The following KLHL3 variants were observed in gnomAD, a reference collection of about 807,000 sequenced individuals.
The protein encoded by KLHL3 is kelch-like protein 3.
KLHL3 carries 19 observed loss-of-function variants against 70.5 expected under a neutral mutation model. The observed-to-expected ratio is 0.27, with a 90% confidence interval of 0.19 to 0.40. The LOEUF (loss-of-function observed/expected upper bound fraction) is 0.40. KLHL3 is among the 10% of genes least tolerant of loss of function. The pLI, the probability that KLHL3 is intolerant of heterozygous loss-of-function variation, is 1.00. For synonymous variants in KLHL3, 258 were observed against 290.3 expected (o/e 0.89, Z 1.13); for missense variants, 512 against 771.1 (o/e 0.66, Z 3.98).
At chr5:137,681,631 C>T (rs753332520) in intron 5 of KLHL3, among the ~76,000 whole-genome samples, 1 of 151,918 alleles carries the variant, frequency 6.6e-6, no homozygotes, top group Non-Finnish European at 1.5e-5. Flanking sequence ...ATGCATGTGC[C>T]GGGGGCATAG....
chr5:137,713,928 G>A, intron 2 of KLHL3, among the ~76,000 whole-genome samples: 1 of 151,980 alleles, frequency 6.6e-6, no homozygotes, highest in East Asian at 1.9e-4. Context: ...ACAACGTGCA[G>A]GTTTGTTACA....
intron 12 of KLHL3, among the ~76,000 whole-genome samples, chr5:137,632,009 A>T (rs1329282564): frequency 6.6e-6 from 1 of 152,206 alleles, no homozygotes; most frequent in Non-Finnish European, 1.5e-5. Context: ...GAAATCACAG[A>T]TTACACAAAC....
At chr5:137,727,333 C>T (rs1753100482) in intron 1 of KLHL3, among the ~76,000 whole-genome samples, 2 of 152,060 alleles carry the variant, frequency 1.3e-5, no homozygotes, top group Non-Finnish European at 2.9e-5. Context: ...CCATTACAAC[C>T]CCATTCCAGG....
intron 5 of KLHL3, among the ~76,000 whole-genome samples, chr5:137,688,450 G>A (rs1390283897): frequency 6.6e-6 from 1 of 152,224 alleles, no homozygotes; most frequent in Admixed American, 6.5e-5. Context: ...TCTATCCCAA[G>A]ATGATGACAT....
rs144285183 is a variant in KLHL3, at chr5:137,620,658, C to T, written c.*1440G>A. 4.6e-5 allele frequency: 7 copies of T among 152,270 alleles called. No homozygotes were observed. The highest frequency in any genetic ancestry group is 1.7e-4 in the African/African-American group (7 of 41,546). 9.4% of individuals were successfully genotyped at this position (152,270 alleles called of 1,614,324 possible). A position where few individuals can be genotyped will look rare whatever the true frequency, so the allele number is the denominator to read the frequency against. On this transcript the variant is annotated 3_prime_UTR_variant, in exon 15 of 15. Transcript: ENST00000309755. ...TTTTTAAATACAAATTACTCCATGC[C>T]CCCTCAAATGCCCGCTCCTCAAGAT...
intron 2 of KLHL3, among the ~76,000 whole-genome samples, chr5:137,716,663 G>A (rs1461197570): frequency 1.3e-5 from 2 of 152,164 alleles, no homozygotes; most frequent in Non-Finnish European, 2.9e-5. Flanking sequence ...ATCAGAGGGC[G>A]GAGTTTTCAG....
chr5:137,687,132 C>A (rs1379419687), intron 5 of KLHL3, among the ~76,000 whole-genome samples: 1 of 76,824 alleles, frequency 1.3e-5, no homozygotes, highest in African/African-American at 4.7e-5. Flanking sequence ...GGGGATCAGC[C>A]CCCCGCCTGG....
chr5:137,668,875 A>G (rs1459393777), intron 6 of KLHL3, among the ~76,000 whole-genome samples: 13 of 152,218 alleles, frequency 8.5e-5, no homozygotes, highest in Non-Finnish European at 1.0e-4. Context: ...CAGGGCTTTT[A>G]GAATGTTTTT....
rs1324670684 is a variant in KLHL3 at position 137,688,107 on chromosome 5, T to C, written c.526+4178A>G. Among the ~76,000 whole-genome samples, 11 of 11,844 alleles carry C rather than the reference T, an allele frequency of 9.3e-4. 5 individuals carry two copies. In the East Asian group the frequency reaches 0.32, roughly 348 times the overall value. 7.8% of individuals were successfully genotyped at this position (11,844 alleles called of 152,430 possible). On this transcript the variant is annotated intron_variant, in intron 5 of 14. Coordinates refer to ENST00000309755, the MANE Select transcript of KLHL3 (RefSeq NM_017415.3). ...TTATCTGCTGACCTTCCCTCCACTA[T>C]TGTCCTATGACCCTGCCAAATCCCC...
intron 13 of KLHL3, chr5:137,628,067 GC>G (rs376594282): frequency 5.5e-6 from 3 of 549,408 alleles, no homozygotes; most frequent in Non-Finnish European, 9.8e-6. Flanking sequence ...ACCCTTCACT[GC>G]GGGGAAAGGG....
intron 3 of KLHL3, chr5:137,706,261 T>G (rs186903778): frequency 2.0e-6 from 2 of 985,454 alleles, no homozygotes; most frequent in East Asian, 1.1e-4. Context: ...TTAAACACAC[T>G]GATAGAAATG....
intron 5 of KLHL3, 39 bp downstream of exon 5, chr5:137,692,246 C>T (rs1292304234): frequency 6.3e-7 from 1 of 1,583,774 alleles, no homozygotes; most frequent in African/African-American, 1.3e-5. Context: ...ATTAGATCCA[C>T]AAACTCGGAG....
intron 1 of KLHL3, chr5:137,725,150 C>G: frequency 3.0e-6 from 2 of 663,576 alleles, no homozygotes; most frequent in Non-Finnish European, 3.7e-6. Flanking sequence ...TTCTTATTTC[C>G]AAATAAGGCT....
intron 8 of KLHL3, among the ~76,000 whole-genome samples, chr5:137,654,303 C>T (rs1751286670): frequency 1.3e-5 from 2 of 152,116 alleles, no homozygotes; most frequent in Non-Finnish European, 1.5e-5. Flanking sequence ...GCTAACAAAA[C>T]CTGAAAGCTG....
At chr5:137,667,128 T>A (rs1279576993) in intron 6 of KLHL3, among the ~76,000 whole-genome samples, 16 of 152,222 alleles carry the variant, frequency 1.1e-4, no homozygotes. Flanking sequence ...TAAAATTATG[T>A]TGGAAGGCAG....
At chr5:137,682,059 A>G (rs1172789199) in intron 5 of KLHL3, among the ~76,000 whole-genome samples, 1 of 152,148 alleles carries the variant, frequency 6.6e-6, no homozygotes, top group Non-Finnish European at 1.5e-5. Context: ...TGGGTCTCGG[A>G]GACAGTTGAG....
chr5:137,654,694 C>CTTCT (rs748734899), intron 8 of KLHL3, among the ~76,000 whole-genome samples: 24 of 152,268 alleles, frequency 1.6e-4, no homozygotes, highest in African/African-American at 4.3e-4. Context: ...GTAGTGATGT[C>CTTCT]TTCTTTCTTT....
chr5:137,672,757 A>G (rs996933063), intron 6 of KLHL3: 2 of 152,240 alleles, frequency 1.3e-5, no homozygotes, highest in Non-Finnish European at 2.9e-5. Context: ...CTCAGGAGTC[A>G]TATCTCTTTC....
chr5:137,729,988 A>G (rs1052184189), intron 1 of KLHL3, among the ~76,000 whole-genome samples: 2 of 152,206 alleles, frequency 1.3e-5, no homozygotes, highest in African/African-American at 4.8e-5. Flanking sequence ...TCGCTATAAT[A>G]GCCCACATGG....
Sources: allele counts gnomAD v4.1 joint callset (sites outside exome capture counted in the v4.1 genomes callset), GRCh38; gene constraint gnomAD v4.1.1; transcripts MANE v1.5; gene names NCBI Gene and HGNC (gene_info 2026-07-23, HGNC 2026-07-21).